NBEA: variants seen among roughly 807,000 people sequenced by gnomAD.
NBEA encodes the protein neurobeachin, also known as lysosomal-trafficking regulator 2.
Under a neutral mutation model 343.4 loss-of-function variants are expected in NBEA, and 44 were observed. The ratio of observed to expected loss-of-function variants is 0.13; its 90% CI spans 0.10 to 0.16. NBEA has a LOEUF of 0.16. Ranked by LOEUF, NBEA falls within the 10% of genes least tolerant of loss-of-function variation. The pLI is 1.00. For synonymous variants in NBEA, 1,175 were observed against 1,238.7 expected (o/e 0.95, Z 1.08); for missense variants, 2,555 against 3,631.3 (o/e 0.70, Z 7.62).
intron 56 of NBEA, among the ~76,000 whole-genome samples, chr13:35,665,505 G>A (rs1329514960): frequency 6.6e-6 from 1 of 152,086 alleles, no homozygotes; most frequent in African/African-American, 2.4e-5. Context: ...GGGAGGTGGG[G>A]GGTCATGTCA....
chr13:35,671,899 T>G lies in NBEA; in HGVS notation c.*908T>G, dbSNP rs1049960953. On this transcript the variant is annotated 3_prime_UTR_variant, in exon 59 of 59. Transcript: ENST00000379939. ...AATAACTTCCCAGCACCTGGACATC[T>G]CTTCCAGAGTTATCCCACTGGCTTG... 6.6e-6 allele frequency: 1 copy of G among 152,486 alleles called. No individual in the cohort carries two copies. Among genetic ancestry groups the G allele is most frequent in the African/African-American group, 2.4e-5 (1 of 41,458 alleles). The allele number at this position is 152,486 out of a possible 1,614,324, so 9.4% of individuals were successfully genotyped here.
At chr13:35,483,246 C>T (rs2076185357) in intron 41 of NBEA, among the ~76,000 whole-genome samples, 1 of 151,918 alleles carries the variant, frequency 6.6e-6, no homozygotes, top group South Asian at 2.1e-4. Flanking sequence ...ATCTGATTTA[C>T]AGCTTACACA....
chr13:35,048,435 GGATTTGTTTGT>G, intron 4 of NBEA, 117 bp from the exon 5 acceptor site: 1 of 800,530 alleles, frequency 1.2e-6, no homozygotes, highest in Non-Finnish European at 1.9e-6. Flanking sequence ...CTTATTTTAT[GGATTTGTTTGT>G]GATTTTCTGG....
At chr13:35,173,837 T>C (rs933223794) in intron 27 of NBEA, among the ~76,000 whole-genome samples, 31 of 152,284 alleles carry the variant, frequency 2.0e-4, no homozygotes, top group African/African-American at 7.2e-4. Context: ...ACAAATATTA[T>C]AATTAGCACT....
intron 38 of NBEA, among the ~76,000 whole-genome samples, chr13:35,408,625 A>G (rs1189963173): frequency 1.3e-5 from 2 of 152,048 alleles, no homozygotes; most frequent in Non-Finnish European, 2.9e-5. Context: ...GGTCTCATCC[A>G]GTATCTTTTA....
At chr13:35,598,473 G>C (rs1483923495) in intron 47 of NBEA, among the ~76,000 whole-genome samples, 1 of 152,166 alleles carries the variant, frequency 6.6e-6, no homozygotes, top group Non-Finnish European at 1.5e-5. Flanking sequence ...AACATGGTTT[G>C]CAGCTGAGTA....
At chr13:35,265,981 A>G (rs975739849) in intron 34 of NBEA, among the ~76,000 whole-genome samples, 2 of 151,972 alleles carry the variant, frequency 1.3e-5, no homozygotes, top group Admixed American at 6.6e-5. Context: ...TCCAAAATAT[A>G]TAAGTAACTT....
chr13:35,465,256 A>G (rs1371788245), intron 40 of NBEA, among the ~76,000 whole-genome samples: 2 of 152,154 alleles, frequency 1.3e-5, no homozygotes, highest in African/African-American at 4.8e-5. Context: ...ATCATTTTCT[A>G]TATTCAATTC....
intron 28 of NBEA, among the ~76,000 whole-genome samples, chr13:35,179,035 T>G (rs2071121083): frequency 6.6e-6 from 1 of 151,658 alleles, no homozygotes; most frequent in African/African-American, 2.4e-5. Context: ...AATTTTGAAT[T>G]AGGTTATATG....
intron 41 of NBEA, chr13:35,474,926 T>G: frequency 1.8e-6 from 2 of 1,111,006 alleles, no homozygotes; most frequent in Non-Finnish European, 2.6e-6. Flanking sequence ...TGTTTAAATA[T>G]TGTATTATTA....
chr13:34,962,270 G>A lies in NBEA; in HGVS notation c.294+19156G>A, dbSNP rs147702242. Among the ~76,000 whole-genome samples, 165 of 152,048 alleles carry A rather than the reference G, an allele frequency of 1.1e-3. 1 individual carries two copies. The highest frequency in any genetic ancestry group is 1.0e-3 in the Non-Finnish European group (70 of 67,952). On this transcript the variant is annotated intron_variant, in intron 1 of 58. Coordinates refer to ENST00000379939, the MANE Select transcript of NBEA (RefSeq NM_001385012.1). The stretch of plus-strand genomic sequence containing the variant: ...ATGCCCTCTTTTTCTCTCTATGTGT[G>A]CATATGTGTGTACATATGTGTCTAT...
chr13:35,120,313 T>C (rs1593410043), intron 16 of NBEA, among the ~76,000 whole-genome samples: 1 of 152,166 alleles, frequency 6.6e-6, no homozygotes, highest in South Asian at 2.1e-4. Context: ...CTTGTGCTCA[T>C]GGCTGACCAT....
rs2059076318 is a variant in NBEA, at chr13:34,942,967, C to G, written c.147C>G (p.Ser49=). The change falls in exon 1 of 59, where the codon TCC becomes TCG. Residue 49 remains serine, a synonymous_variant. Transcript: ENST00000379939. ...GGATGGGGGAGCTAAGGGGGGCGTCCGGCTCCGGCTCGGTGATGCTCCCCG... is the reference window on the plus strand; with the variant it reads ...GGATGGGGGAGCTAAGGGGGGCGTCGGGCTCCGGCTCGGTGATGCTCCCCG... ...GSGMGELRGA[S]GSGSVMLPAG... 1 of 1,601,336 alleles carries G rather than the reference C, an allele frequency of 6.2e-7. No individual in the cohort carries two copies. Among genetic ancestry groups the G allele is most frequent in the Non-Finnish European group, 8.5e-7 (1 of 1,174,254 alleles).
intron 39 of NBEA, 125 bp from the exon 40 acceptor site, chr13:35,451,967 C>A: frequency 6.9e-6 from 5 of 723,400 alleles, no homozygotes; most frequent in South Asian, 6.3e-5. Context: ...TTAAAATGTT[C>A]TGTAATTGTA....
Position 35,553,073 on chromosome 13 carries a change from A to G in NBEA, c.6807-1914A>G, listed in dbSNP as rs554624322. Among the ~76,000 whole-genome samples the G allele has an allele frequency of 2.0e-5, 3 of 151,718 alleles. No homozygotes were observed. In the East Asian group the frequency reaches 5.9e-4, roughly 30 times the overall value. On this transcript the variant is annotated intron_variant, in intron 43 of 58. Transcript: ENST00000379939. The stretch of plus-strand genomic sequence containing the variant: ...TGCCCAGCTAATTTTTGTATTGTTT[A>G]TAGAGATGGGGTTTCACCATGTTGC...
At chr13:35,208,222 A>C (rs1053682789) in intron 31 of NBEA, among the ~76,000 whole-genome samples, 4 of 152,196 alleles carry the variant, frequency 2.6e-5, no homozygotes, top group Admixed American at 2.0e-4. Flanking sequence ...CTGTCTCAAA[A>C]AAACAAACAA....
intron 1 of NBEA, among the ~76,000 whole-genome samples, chr13:34,951,374 G>A (rs2059345135): frequency 6.6e-6 from 1 of 152,118 alleles, no homozygotes; most frequent in Admixed American, 6.5e-5. Flanking sequence ...CAGATTAAAT[G>A]GGTTAATATA....
chr13:35,640,012 G>T (rs1421104911), intron 49 of NBEA, among the ~76,000 whole-genome samples: 1 of 150,556 alleles, frequency 6.6e-6, no homozygotes, highest in African/African-American at 2.4e-5. Flanking sequence ...AATGTAAATG[G>T]GTTAAATCTA....
intron 56 of NBEA, among the ~76,000 whole-genome samples, chr13:35,666,452 C>T (rs1416540246): frequency 3.3e-5 from 5 of 149,480 alleles, no homozygotes; most frequent in Non-Finnish European, 5.9e-5. Flanking sequence ...ACATAGTAGG[C>T]GCCAAGAAAG....
Sources: allele counts gnomAD v4.1 joint callset (sites outside exome capture counted in the v4.1 genomes callset), GRCh38; gene constraint gnomAD v4.1.1; transcripts MANE v1.5; gene names NCBI Gene and HGNC (gene_info 2026-07-23, HGNC 2026-07-21).